FER1L6: variants seen among roughly 807,000 people sequenced by gnomAD.
FER1L6 encodes fer-1-like protein 6.
FER1L6 carries 177 observed loss-of-function variants against 219.2 expected under a neutral mutation model. The ratio of observed to expected loss-of-function variants is 0.81; its 90% confidence interval spans 0.71 to 0.91. The LOEUF (loss-of-function observed/expected upper bound fraction) is 0.91, where lower values mean the gene tolerates loss of function less well. FER1L6 is among the 40% of genes least tolerant of loss of function. FER1L6 has a pLI of 0.00. For synonymous variants in FER1L6, 768 were observed against 824.3 expected, an observed-to-expected ratio of 0.93 and a Z score of 1.17; for missense variants, 2,153 against 2,259.9, an observed-to-expected ratio of 0.95 and a Z score of 0.96.
intron 33 of FER1L6, 64 bp from the exon 34 acceptor site, chr8:124,091,359 A>C: frequency 7.4e-7 from 1 of 1,356,446 alleles, no homozygotes; most frequent in Non-Finnish European, 1.0e-6. Context: ...AAGAAACTGC[A>C]CAGATCATAC....
intron 5 of FER1L6, among the ~76,000 whole-genome samples, chr8:123,968,534 A>G (rs1815659740): frequency 6.6e-6 from 1 of 152,218 alleles, no homozygotes; most frequent in South Asian, 2.1e-4. Context: ...TAAATATTGC[A>G]ACTCATTTGT....
intron 7 of FER1L6, among the ~76,000 whole-genome samples, chr8:123,974,798 A>G (rs1057129455): frequency 6.6e-6 from 1 of 152,100 alleles, no homozygotes; most frequent in Non-Finnish European, 1.5e-5. Context: ...AAAAAGACCA[A>G]GGAGCCAGGT....
At chr8:123,977,922 G>A (rs1816164245) in intron 10 of FER1L6, among the ~76,000 whole-genome samples, 1 of 152,172 alleles carries the variant, frequency 6.6e-6, no homozygotes, top group Admixed American at 6.5e-5. Flanking sequence ...GGAGCTAGGT[G>A]GTAATACTCA....
At chr8:124,040,299 A>C in intron 20 of FER1L6, 1 of 402,712 alleles carries the variant, frequency 2.5e-6, no homozygotes, top group South Asian at 2.3e-5. Flanking sequence ...CACGAGGCCA[A>C]GTGCAGTGGG....
intron 31 of FER1L6, among the ~76,000 whole-genome samples, chr8:124,073,891 CAAG>C (rs1486656526): frequency 1.3e-5 from 2 of 152,168 alleles, no homozygotes; most frequent in East Asian, 3.8e-4. Flanking sequence ...GCTGATGTGA[CAAG>C]AAGAAATGGG....
intron 1 of FER1L6, among the ~76,000 whole-genome samples, chr8:123,911,334 GTATTAA>G (rs1216351807): frequency 6.6e-6 from 1 of 152,174 alleles, no homozygotes; most frequent in Non-Finnish European, 1.5e-5. Context: ...AAAGGTCATA[GTATTAA>G]TAATAATAAT....
chr8:123,915,036 C>CTT (rs56930256), intron 1 of FER1L6, among the ~76,000 whole-genome samples: 282 of 146,856 alleles, frequency 1.9e-3, no homozygotes, highest in Middle Eastern at 3.5e-3. Flanking sequence ...GTATTACATG[C>CTT]TTTTTTTTTT....
intron 12 of FER1L6, among the ~76,000 whole-genome samples, chr8:123,997,223 T>C (rs1401676054): frequency 1.3e-5 from 2 of 152,218 alleles, no homozygotes; most frequent in South Asian, 2.1e-4. Context: ...CAGCATTTAT[T>C]TGTCTGTGAA....
At chr8:123,876,954 AG>A (rs1227361766) in intron 1 of FER1L6, among the ~76,000 whole-genome samples, 1 of 152,204 alleles carries the variant, frequency 6.6e-6, no homozygotes, top group Non-Finnish European at 1.5e-5. Context: ...CATACCTGCT[AG>A]GCCCCTAGGC....
At chr8:124,087,151 GAAT>G (rs1821818492) in intron 33 of FER1L6, among the ~76,000 whole-genome samples, 1 of 151,640 alleles carries the variant, frequency 6.6e-6, no homozygotes, top group Non-Finnish European at 1.5e-5. Flanking sequence ...TTATCTCTTT[GAAT>G]AAACTTTCTA....
chr8:123,854,614 T>C (rs1474592999), intron 1 of FER1L6, among the ~76,000 whole-genome samples: 2 of 152,180 alleles, frequency 1.3e-5, no homozygotes, highest in Admixed American at 6.5e-5. Context: ...CCGAAGGGTA[T>C]CTTCTGTCCC....
intron 1 of FER1L6, among the ~76,000 whole-genome samples, chr8:123,884,115 A>G (rs1817158042): frequency 6.6e-6 from 1 of 152,212 alleles, no homozygotes; most frequent in South Asian, 2.1e-4. Context: ...AAATCACACC[A>G]CTGTGCTTCA....
chr8:124,035,530 A>G, intron 19 of FER1L6, 76 bp downstream of exon 19: 1 of 1,445,086 alleles, frequency 6.9e-7, no homozygotes, highest in African/African-American at 1.4e-5. Context: ...GGAGGGCAGC[A>G]TGCATGAGTT....
rs369564715 is a variant in FER1L6 at position 124,061,881 on chromosome 8, G to A, written c.3177G>A (p.Pro1059=). The A allele has an allele frequency of 8.8e-5, 142 of 1,613,956 alleles. No individual in the cohort carries two copies. The highest frequency in any genetic ancestry group is 1.6e-4 in the African/African-American group (12 of 75,024). The stretch of plus-strand genomic sequence containing the variant: ...TGCCTGAGAACGAGCTTCTGCACCC[G>A]CCACTGAGCATCTGCGTGGTGGACT... ...VELPENELLH[P]PLSICVVDWR... The change falls in exon 25 of 41, where the codon CCG becomes CCA. Residue 1059 remains proline, a synonymous_variant. Coordinates refer to ENST00000522917, the MANE Select transcript of FER1L6 (RefSeq NM_001039112.2).
intron 20 of FER1L6, 49 bp from the exon 21 acceptor site, chr8:124,045,718 T>C (rs1328897425): frequency 5.0e-6 from 8 of 1,607,100 alleles, no homozygotes; most frequent in Non-Finnish European, 6.8e-6. Flanking sequence ...TTAGAGCCCC[T>C]ATAACTCAAT....
intron 12 of FER1L6, among the ~76,000 whole-genome samples, chr8:123,996,315 C>T (rs1473115691): frequency 6.6e-6 from 1 of 152,042 alleles, no homozygotes; most frequent in Middle Eastern, 3.2e-3. Context: ...ATAATAATTC[C>T]TTTATAAATC....
intron 18 of FER1L6, among the ~76,000 whole-genome samples, chr8:124,025,639 G>T (rs548445641): frequency 6.6e-6 from 1 of 152,142 alleles, no homozygotes; most frequent in South Asian, 2.1e-4. Flanking sequence ...TTTTCTTTAG[G>T]ATTGCTTTGG....
intron 1 of FER1L6, chr8:123,925,977 C>T (rs555916141): frequency 6.6e-6 from 1 of 152,322 alleles, no homozygotes; most frequent in African/African-American, 2.4e-5. Flanking sequence ...ACAAGTGGCA[C>T]ATCTGTGAAA....
intron 33 of FER1L6, among the ~76,000 whole-genome samples, chr8:124,090,147 T>G (rs546735904): frequency 6.6e-6 from 1 of 152,346 alleles, no homozygotes; most frequent in Admixed American, 6.5e-5. Context: ...TCCAGAGGGT[T>G]GTGCCAATTT....
Sources: allele counts gnomAD v4.1 joint callset (sites outside exome capture counted in the v4.1 genomes callset), GRCh38; gene constraint gnomAD v4.1.1; transcripts MANE v1.5; gene names NCBI Gene and HGNC (gene_info 2026-07-23, HGNC 2026-07-21).